The following CSNK1A1 variants were observed in gnomAD, a reference collection of about 807,000 sequenced individuals.
CSNK1A1 encodes the protein casein kinase I isoform alpha.
A neutral mutation model predicts 46.1 loss-of-function variants in CSNK1A1; 7 were observed. The ratio of observed to expected loss-of-function variants is 0.15; its 90% CI spans 0.09 to 0.29. The LOEUF (loss-of-function observed/expected upper bound fraction) is 0.29, where lower values mean the gene tolerates loss of function less well. Among genes scored for constraint, CSNK1A1 ranks in the 10% least tolerant of loss-of-function variants. The probability of loss-of-function intolerance (pLI) is 1.00; values close to 1 mark genes in which losing one functional copy is unlikely to be tolerated. For synonymous variants in CSNK1A1, 137 were observed against 141.5 expected (o/e 0.97, Z 0.23); for missense variants, 96 against 417.1 (o/e 0.23, Z 6.71).
intron 9 of CSNK1A1, chr5:149,498,991 A>C: frequency 1.0e-6 from 1 of 985,470 alleles, no homozygotes; most frequent in Non-Finnish European, 1.2e-6. Context: ...TCCTGGTAGA[A>C]TAGAGCAGTC....
At chr5:149,526,131 C>CTATT (rs1211383781) in intron 2 of CSNK1A1, among the ~76,000 whole-genome samples, 4 of 151,922 alleles carry the variant, frequency 2.6e-5, no homozygotes, top group South Asian at 2.1e-4. Flanking sequence ...CCTTATTTAT[C>CTATT]TATTTATTTA....
chr5:149,537,589 CAAACA>C (rs898351086), intron 2 of CSNK1A1, among the ~76,000 whole-genome samples: 6 of 151,392 alleles, frequency 4.0e-5, no homozygotes, highest in African/African-American at 1.5e-4. Context: ...ACATTAAAAA[CAAACA>C]AAACAAAACA....
In CSNK1A1 at chr5:149,525,432, A is replaced by T. The variant is rs577379073; in HGVS notation, c.231-261T>A. Among the ~76,000 whole-genome samples the T allele has an allele frequency of 6.6e-6, 1 of 152,226 alleles. No homozygotes were observed. Among genetic ancestry groups the T allele is most frequent in the South Asian group, 2.1e-4 (1 of 4,818 alleles). ...TAGTAGCCTTAACACTCCTGTTACC[A>T]GGGCAGCTGAATTTTATACCCACTG... is the stretch of plus-strand genomic sequence containing the variant. On this transcript the variant is annotated intron_variant, in intron 2 of 9. Coordinates refer to ENST00000377843, the MANE Select transcript of CSNK1A1 (RefSeq NM_001892.6). This position sits in a 1 kb window ranked among gnomAD's most constrained non-coding sequence, Gnocchi z 4.2.
chr5:149,532,188 G>T (rs534216443), intron 2 of CSNK1A1, among the ~76,000 whole-genome samples: 1 of 151,990 alleles, frequency 6.6e-6, no homozygotes, highest in Admixed American at 6.6e-5. Context: ...CCTACACTCT[G>T]CTTATTAATG....
chr5:149,511,225 G>GGA (rs1353707257), intron 6 of CSNK1A1, among the ~76,000 whole-genome samples: 1 of 152,120 alleles, frequency 6.6e-6, no homozygotes, highest in Non-Finnish European at 1.5e-5. Context: ...GCTACAGGTA[G>GGA]GAGGCTGAGA....
chr5:149,522,427 G>C (rs555620080), intron 3 of CSNK1A1, among the ~76,000 whole-genome samples: 30 of 152,240 alleles, frequency 2.0e-4, no homozygotes, highest in African/African-American at 6.7e-4. Context: ...TTTTCTATAA[G>C]ACACTTACTT....
chr5:149,547,035 C>T (rs1762505645), intron 2 of CSNK1A1, among the ~76,000 whole-genome samples: 3 of 152,162 alleles, frequency 2.0e-5, no homozygotes, highest in African/African-American at 7.2e-5. Flanking sequence ...GACCCTACCA[C>T]TCCTAAAGCA....
chr5:149,529,918 T>C (rs867382474), intron 2 of CSNK1A1, among the ~76,000 whole-genome samples: 4 of 152,216 alleles, frequency 2.6e-5, no homozygotes, highest in Middle Eastern at 3.4e-3. Flanking sequence ...TTCTGAAAAA[T>C]GTCTTCATGA....
At chr5:149,514,969 A>G (rs1761355016) in intron 4 of CSNK1A1, among the ~76,000 whole-genome samples, 2 of 152,228 alleles carry the variant, frequency 1.3e-5, no homozygotes, top group African/African-American at 4.8e-5. Context: ...ACTAAGAAAT[A>G]AAGCTTATAC....
intron 9 of CSNK1A1, among the ~76,000 whole-genome samples, chr5:149,500,638 G>A (rs1050525774): frequency 1.3e-5 from 2 of 151,414 alleles, no homozygotes; most frequent in Middle Eastern, 3.4e-3. Context: ...TATGTTGTCC[G>A]GATGGTTCTC....
At chr5:149,532,229 C>CTATAATT (rs1761924689) in intron 2 of CSNK1A1, among the ~76,000 whole-genome samples, 1 of 152,008 alleles carries the variant, frequency 6.6e-6, no homozygotes, top group South Asian at 2.1e-4. Context: ...CTAATAAATG[C>CTATAATT]TATAATTTTG....
At chr5:149,542,820 C>T (rs574690714) in intron 2 of CSNK1A1, among the ~76,000 whole-genome samples, 1 of 147,454 alleles carries the variant, frequency 6.8e-6, no homozygotes, top group South Asian at 2.2e-4. Flanking sequence ...CTCAGCCTCC[C>T]AAGTAGCTGG....
rs1761443411 is a variant in CSNK1A1 at position 149,517,705 on chromosome 5, A to C, written c.456+2585T>G. On this transcript the variant is annotated intron_variant, in intron 4 of 9. Coordinates refer to ENST00000377843, the MANE Select transcript of CSNK1A1 (RefSeq NM_001892.6). The surrounding 1 kb of genome is among the most constrained non-coding windows in gnomAD (Gnocchi z 4.4). Reference sequence around the variant, plus strand: ...GCAAGATCTACATTCTCCAGAATTAAAACAAAACAAAAATCATCAAAATAA... The same window carrying C: ...GCAAGATCTACATTCTCCAGAATTACAACAAAACAAAAATCATCAAAATAA... 1.1e-6 allele frequency: 1 copy of C among 890,944 alleles called. No homozygotes were observed. The highest frequency in any genetic ancestry group is 2.3e-5 in the Admixed American group (1 of 43,412). 55.2% of individuals were successfully genotyped at this position (890,944 alleles called of 1,614,324 possible).
At chr5:149,539,942 C>G (rs2113171964) in intron 2 of CSNK1A1, among the ~76,000 whole-genome samples, 1 of 152,298 alleles carries the variant, frequency 6.6e-6, no homozygotes, top group Non-Finnish European at 1.5e-5. Context: ...ATATTGGACT[C>G]TTTTTGTTGC....
chr5:149,496,798 G>C lies in CSNK1A1; in HGVS notation c.*55C>G, dbSNP rs1760667072. The C allele has an allele frequency of 1.3e-6, 2 of 1,545,232 alleles. No individual in the cohort carries two copies. The highest frequency in any genetic ancestry group is 1.7e-6 in the Non-Finnish European group (2 of 1,147,526). On this transcript the variant is annotated 3_prime_UTR_variant, in exon 10 of 10. Transcript: ENST00000377843. The stretch of plus-strand genomic sequence containing the variant: ...GAACTAAAATTTCTAGATTTGGGGA[G>C]AAACAAATGCTGCTCCGATCATCTG...
intron 9 of CSNK1A1, among the ~76,000 whole-genome samples, chr5:149,499,738 C>T (rs912929676): frequency 4.6e-5 from 7 of 151,464 alleles, no homozygotes; most frequent in African/African-American, 9.7e-5. Flanking sequence ...TGTTCTTATT[C>T]GTAAATTAAT....
At position 149,551,196 on chromosome 5, in the gene CSNK1A1, T is replaced by G; in HGVS notation, c.-232A>C. 1 of 382,638 alleles carries G rather than the reference T, an allele frequency of 2.6e-6. No homozygotes were observed. Among genetic ancestry groups the G allele is most frequent in the Non-Finnish European group, 4.8e-6 (1 of 210,138 alleles). 23.7% of individuals were successfully genotyped at this position (382,638 alleles called of 1,614,324 possible). Reference sequence around the variant, plus strand: ...AGTTTGTGAAGGGCTTCTCGGCGGTTACCAGGCTGGGCCACTTGTTTCTCG... The same window carrying G: ...AGTTTGTGAAGGGCTTCTCGGCGGTGACCAGGCTGGGCCACTTGTTTCTCG... On this transcript the variant is annotated 5_prime_UTR_variant, in exon 1 of 10. Coordinates refer to ENST00000377843, the MANE Select transcript of CSNK1A1 (RefSeq NM_001892.6).
At chr5:149,526,690 G>A (rs1464579278) in intron 2 of CSNK1A1, among the ~76,000 whole-genome samples, 1 of 152,050 alleles carries the variant, frequency 6.6e-6, no homozygotes, top group African/African-American at 2.4e-5. Context: ...TAAGAAAAGA[G>A]TCTATTCTAA....
At chr5:149,541,214 G>A (rs1394032646) in intron 2 of CSNK1A1, among the ~76,000 whole-genome samples, 9 of 149,898 alleles carry the variant, frequency 6.0e-5, no homozygotes, top group South Asian at 2.1e-4. Flanking sequence ...GTGCAGTGGC[G>A]TGATCTCAGC....
Sources: allele counts gnomAD v4.1 joint callset (sites outside exome capture counted in the v4.1 genomes callset), GRCh38; gene constraint gnomAD v4.1.1; non-coding constraint Gnocchi (gnomAD v3.1); transcripts MANE v1.5; gene names NCBI Gene and HGNC (gene_info 2026-07-23, HGNC 2026-07-21).